Variants in ENO1 observed in about 807,000 individuals in gnomAD.
ENO1 encodes the protein alpha-enolase.
A neutral mutation model predicts 46.3 loss-of-function variants in ENO1; 33 were observed. The observed-to-expected ratio is 0.71, with a 90% CI of 0.54 to 0.95. ENO1 has a LOEUF of 0.95. ENO1 is among the 40% of genes least tolerant of loss of function. ENO1 has a pLI of 0.00. For synonymous variants in ENO1, 220 were observed against 216.0 expected, an observed-to-expected ratio of 1.02 and a Z score of -0.16; for missense variants, 488 against 553.3, an observed-to-expected ratio of 0.88 and a Z score of 1.18.
chr1:8,876,523 TGAGTA>T (rs1348581530), intron 1 of ENO1, among the ~76,000 whole-genome samples: 1 of 152,222 alleles, frequency 6.6e-6, no homozygotes, highest in Non-Finnish European at 1.5e-5. Context: ...TGGTATACTT[TGAGTA>T]TTTCAGTCAT....
Position 8,863,118 on chromosome 1 carries a change from C to CA in ENO1, c.1176+116dup. On this transcript the variant is annotated intron_variant, in intron 10 of 11. Coordinates refer to ENST00000234590, the MANE Select transcript of ENO1 (RefSeq NM_001428.5). ...CCCCCATTCTGTTCAGCCTCAGAAA[C>CA]AAGAGCACTGACTCAGGGGACATGA... 7 of 1,379,410 alleles carry CA rather than the reference C, an allele frequency of 5.1e-6. No homozygotes were observed. In the South Asian group the frequency reaches 9.2e-5, roughly 18 times the overall value. The allele number at this position is 1,379,410 out of a possible 1,614,324, so 85.4% of individuals were successfully genotyped here. A position where few individuals can be genotyped will look rare whatever the true frequency, so the allele number is the denominator to read the frequency against.
At chr1:8,865,842 A>G (rs2124067164) in intron 7 of ENO1, among the ~76,000 whole-genome samples, 1 of 151,432 alleles carries the variant, frequency 6.6e-6, no homozygotes, top group Non-Finnish European at 1.5e-5. Flanking sequence ...GCGGGGTCCA[A>G]GAGAAAGCCC....
intron 6 of ENO1, among the ~76,000 whole-genome samples, chr1:8,866,793 T>G (rs1293873863): frequency 6.6e-6 from 1 of 152,190 alleles, no homozygotes; most frequent in African/African-American, 2.4e-5. Flanking sequence ...AGGTGTGCGC[T>G]ACTGCAACCA....
At chr1:8,870,698 C>A in intron 3 of ENO1, 188 bp from the exon 4 acceptor site, 2 of 1,456,888 alleles carry the variant, frequency 1.4e-6, no homozygotes, top group South Asian at 1.4e-5. Flanking sequence ...GTGCTCCTAC[C>A]TAGGACCCCA....
chr1:8,870,392 T>A, intron 4 of ENO1, 60 bp downstream of exon 4: 1 of 1,608,810 alleles, frequency 6.2e-7, no homozygotes. Flanking sequence ...GGAAAGCCCC[T>A]GGGCCTGGGA....
At chr1:8,863,018 G>A in intron 10 of ENO1, 73 bp from the exon 11 acceptor site, 1 of 1,567,362 alleles carries the variant, frequency 6.4e-7, no homozygotes, top group Non-Finnish European at 8.7e-7. Flanking sequence ...AGAGGGTGTG[G>A]TGTCAGAGAG....
At position 8,867,348 on chromosome 1, in the gene ENO1, T is replaced by TC; in HGVS notation, c.311-99dup. 3.4e-6 allele frequency: 5 copies of TC among 1,486,228 alleles called. No homozygotes were observed. In the South Asian group the frequency reaches 6.4e-5, roughly 19 times the overall value. 92.1% of individuals were successfully genotyped at this position (1,486,228 alleles called of 1,614,324 possible). On this transcript the variant is annotated intron_variant, in intron 5 of 11. Coordinates refer to ENST00000234590, the MANE Select transcript of ENO1 (RefSeq NM_001428.5). ...GAGGGTTGTATTCTGCACCATCTCC[T>TC]CCCCCATCACACCTCCATTTCACTG...
chr1:8,866,662 G>A, intron 6 of ENO1, 161 bp from the exon 7 acceptor site: 1 of 693,026 alleles, frequency 1.4e-6, no homozygotes, highest in Non-Finnish European at 2.4e-6. Context: ...ATGCTCACCA[G>A]GTCTCTGACT....
intron 8 of ENO1, among the ~76,000 whole-genome samples, chr1:8,864,937 C>T (rs1478756526): frequency 1.3e-5 from 2 of 152,180 alleles, no homozygotes; most frequent in Non-Finnish European, 1.5e-5. Flanking sequence ...ATTCCCAGCT[C>T]ACAGGAAGCA....
At chr1:8,877,734 G>A (rs1642765436) in intron 1 of ENO1, 1 of 152,186 alleles carries the variant, frequency 6.6e-6, no homozygotes, top group African/African-American at 2.4e-5. Flanking sequence ...AATTAGCCGG[G>A]CGTGGTGGCG....
chr1:8,875,787 ACTT>A (rs1642720962), intron 1 of ENO1: 1 of 152,046 alleles, frequency 6.6e-6, no homozygotes, highest in Admixed American at 6.6e-5. Flanking sequence ...TATTTTAGTT[ACTT>A]TTTTAAGAGA....
Position 8,863,234 on chromosome 1 carries a change from C to T in ENO1, c.1176+1G>A, listed in dbSNP as rs113129233. On this transcript the variant is annotated splice_donor_variant, in intron 10 of 11. Transcript: ENST00000234590. LOFTEE classifies it high-confidence loss of function. ...AGAAAGGAGGAGACGCTCATTCTTA[C>T]CTGCCCAGTGCACAGCCCCACAACC... 6.2e-7 allele frequency: 1 copy of T among 1,614,004 alleles called. No individual in the cohort carries two copies. Among genetic ancestry groups the T allele is most frequent in the Non-Finnish European group, 8.5e-7 (1 of 1,179,954 alleles).
Position 8,861,199 on chromosome 1 carries a change from TG to T in ENO1, c.*160del. 1.5e-6 allele frequency: 1 copy of T among 660,882 alleles called. No homozygotes were observed. The highest frequency in any genetic ancestry group is 2.5e-6 in the Non-Finnish European group (1 of 393,948). 40.9% of individuals were successfully genotyped at this position (660,882 alleles called of 1,614,324 possible). ...ACAGGGCTCCAGGGAGCTTGGCTTCTGTAGAAGTTCTAAGGAAGCGGTACGA... is the reference window on the plus strand; with the variant it reads ...ACAGGGCTCCAGGGAGCTTGGCTTCTTAGAAGTTCTAAGGAAGCGGTACGA... On this transcript the variant is annotated 3_prime_UTR_variant, in exon 12 of 12. Coordinates refer to ENST00000234590, the MANE Select transcript of ENO1 (RefSeq NM_001428.5).
At chr1:8,874,182 CA>C (rs1225523433) in intron 2 of ENO1, among the ~76,000 whole-genome samples, 1 of 152,200 alleles carries the variant, frequency 6.6e-6, no homozygotes, top group Non-Finnish European at 1.5e-5. Context: ...TGTCAGCCAA[CA>C]ACTAGTGATG....
Position 8,871,520 on chromosome 1 carries a change from T to A in ENO1, c.181+371A>T, listed in dbSNP as rs28931277. The A allele has an allele frequency of 6.8e-5, 70 of 1,033,222 alleles. 2 individuals carry two copies. In the Middle Eastern group the frequency reaches 2.8e-3, roughly 42 times the overall value. The allele number at this position is 1,033,222 out of a possible 1,614,324, so 64.0% of individuals were successfully genotyped here. ...CCTTTCTAGCCCGTGAAGAGGCTGA[T>A]GATCTCTGGAGGGCCCACAGAACCC... On this transcript the variant is annotated intron_variant, in intron 3 of 11. Coordinates refer to ENST00000234590, the MANE Select transcript of ENO1 (RefSeq NM_001428.5).
At chr1:8,866,188 G>T in intron 7 of ENO1, 91 bp downstream of exon 7, 1 of 1,124,764 alleles carries the variant, frequency 8.9e-7, no homozygotes, top group Non-Finnish European at 1.3e-6. Context: ...GGAAAGAATA[G>T]ATTTCCACAG....
At chr1:8,868,148 G>T in intron 4 of ENO1, 91 bp from the exon 5 acceptor site, 1 of 926,442 alleles carries the variant, frequency 1.1e-6, no homozygotes, top group Non-Finnish European at 1.7e-6. Flanking sequence ...TTGGAACTGT[G>T]TAATATCAAA....
Position 8,877,221 on chromosome 1 carries a change from G to A in ENO1, c.-10+1359C>T, listed in dbSNP as rs562444052. Among the ~76,000 whole-genome samples, 3 of 152,116 alleles carry A rather than the reference G, an allele frequency of 2.0e-5. No homozygotes were observed. The South Asian group carries it at 6.2e-4, about 32-fold the overall frequency. On this transcript the variant is annotated intron_variant, in intron 1 of 11. Transcript: ENST00000234590. ...CCCACCTCGGCCTCCCAAAGTGCTA[G>A]GATTACAGGCGTGAGCCACCGCGCC... is the stretch of plus-strand genomic sequence containing the variant.
At chr1:8,873,410 C>T (rs1569919112) in intron 2 of ENO1, among the ~76,000 whole-genome samples, 1 of 152,314 alleles carries the variant, frequency 6.6e-6, no homozygotes, top group Middle Eastern at 3.4e-3. Context: ...AGGATTAAGA[C>T]ACACAAGAGA....
Sources: gnomAD v4.1 joint callset for allele counts (sites outside exome capture counted in the v4.1 genomes callset) on GRCh38, gnomAD v4.1.1 for gene constraint, MANE v1.5 for transcripts, NCBI Gene and HGNC (gene_info 2026-07-23, HGNC 2026-07-21) for gene names.